PLA2G5: variants seen among roughly 807,000 people sequenced by gnomAD.
The protein encoded by PLA2G5 is Ca2+-dependent phospholipase A2.
A neutral mutation model predicts 15.9 loss-of-function variants in PLA2G5; 12 were observed. The observed-to-expected ratio is 0.76, with a 90% CI of 0.48 to 1.23. PLA2G5 has a LOEUF of 1.23. Among genes scored for constraint, PLA2G5 ranks in the 50% most tolerant of loss-of-function variants. PLA2G5 has a pLI of 0.00. For missense variants in PLA2G5, 169 were observed against 177.1 expected (o/e 0.95, Z 0.26); for synonymous variants, 71 against 71.4 (o/e 0.99, Z 0.03).
chr1:20,082,310 G>A (rs2016071305), intron 1 of PLA2G5, among the ~76,000 whole-genome samples: 1 of 151,754 alleles, frequency 6.6e-6, no homozygotes, highest in Admixed American at 6.5e-5. Context: ...CTGTCCGCAC[G>A]CTCAGTGACC....
chr1:20,030,882 T>A (rs915434519), intron 1 of PLA2G5, among the ~76,000 whole-genome samples: 1 of 152,180 alleles, frequency 6.6e-6, no homozygotes, highest in Non-Finnish European at 1.5e-5. Context: ...GAGCACAGGG[T>A]TGGGGCTAAA....
intron 1 of PLA2G5, among the ~76,000 whole-genome samples, chr1:20,034,614 G>GC (rs1240550593): frequency 1.3e-5 from 2 of 152,154 alleles, no homozygotes; most frequent in Non-Finnish European, 2.9e-5. Flanking sequence ...TAGGTTTGAG[G>GC]CCCCTGAGGC....
intron 1 of PLA2G5, among the ~76,000 whole-genome samples, chr1:20,082,201 G>T (rs2016066981): frequency 6.6e-6 from 1 of 151,836 alleles, no homozygotes; most frequent in South Asian, 2.1e-4. Context: ...GAGATTCAGG[G>T]GTTCTGTTTG....
chr1:20,060,892 T>G (rs545581057), intron 2 of PLA2G5, among the ~76,000 whole-genome samples: 57 of 152,210 alleles, frequency 3.7e-4, no homozygotes, highest in African/African-American at 1.3e-3. Context: ...TAATTTTGTA[T>G]TTTTGGTAGA....
chr1:20,064,656 G>A (rs2014925883), intron 2 of PLA2G5, among the ~76,000 whole-genome samples: 1 of 152,136 alleles, frequency 6.6e-6, no homozygotes, highest in Non-Finnish European at 1.5e-5. Flanking sequence ...CACTTTGGGA[G>A]GCCAAGGTGG....
At chr1:20,067,013 T>C (rs1162620004), upstream of PLA2G5, among the ~76,000 whole-genome samples, 1 of 143,582 alleles carries the variant, frequency 7.0e-6, no homozygotes, top group Non-Finnish European at 1.5e-5. Flanking sequence ...CTTTTTTTTC[T>C]GAGACAGGGT....
At chr1:20,039,435 A>G (rs1030918646) in intron 1 of PLA2G5, among the ~76,000 whole-genome samples, 2 of 152,218 alleles carry the variant, frequency 1.3e-5, no homozygotes, top group Non-Finnish European at 2.9e-5. Context: ...CAAGGATTAA[A>G]TAGACAGGAA....
chr1:20,063,522 T>C (rs2014848261), intron 2 of PLA2G5: 1 of 152,154 alleles, frequency 6.6e-6, no homozygotes, highest in Non-Finnish European at 1.5e-5. Context: ...TTCCTTGGCT[T>C]TAAGATGTGA....
intron 4 of PLA2G5, 25 bp downstream of exon 4, chr1:20,089,920 G>A (rs1454411167): frequency 6.5e-7 from 1 of 1,539,004 alleles, no homozygotes; most frequent in Non-Finnish European, 8.9e-7. Flanking sequence ...TCCCGTTCGG[G>A]CCATTGGAAG....
intron 1 of PLA2G5, among the ~76,000 whole-genome samples, chr1:20,036,408 A>T (rs994560812): frequency 6.6e-6 from 1 of 152,054 alleles, no homozygotes; most frequent in South Asian, 2.1e-4. Context: ...CATAATTTCA[A>T]ACTTTTTGGA....
intron 1 of PLA2G5, among the ~76,000 whole-genome samples, chr1:20,029,240 C>G (rs926475461): frequency 2.0e-5 from 3 of 152,120 alleles, no homozygotes; most frequent in Non-Finnish European, 4.4e-5. Context: ...CCTCTGACTG[C>G]CCCCACCAAA....
Position 20,091,662 on chromosome 1 carries a change from T to C in PLA2G5, c.*970T>C, listed in dbSNP as rs2016561779. On this transcript the variant is annotated 3_prime_UTR_variant, in exon 5 of 5. Transcript: ENST00000375108. ...ATAGGTGTCAGCTGTGGGGTTTATT[T>C]TTTACAAAGTAAGGACATTAAAAAA... Among the ~76,000 whole-genome samples the C allele has an allele frequency of 6.6e-6, 1 of 152,098 alleles. No individual in the cohort carries two copies. Among genetic ancestry groups the C allele is most frequent in the Non-Finnish European group, 1.5e-5 (1 of 68,034 alleles).
chr1:20,053,574 G>GGGT (rs1553172798), intron 1 of PLA2G5, among the ~76,000 whole-genome samples: 2 of 143,230 alleles, frequency 1.4e-5, no homozygotes, highest in Non-Finnish European at 3.0e-5. Flanking sequence ...ACTTTGCGGG[G>GGGT]GGGGGGGTGA....
chr1:20,086,163 T>C lies in PLA2G5; in HGVS notation c.121T>C (p.Tyr41His). 1 of 1,614,116 alleles carries C rather than the reference T, an allele frequency of 6.2e-7. No homozygotes were observed. Among genetic ancestry groups the C allele is most frequent in the Non-Finnish European group, 8.5e-7 (1 of 1,179,996 alleles). ...GACAGGGAAGAACGCCCTGACAAACTACGGCTTCTACGGCTGTTACTGCGG... is the reference window on the plus strand; with the variant it reads ...GACAGGGAAGAACGCCCTGACAAACCACGGCTTCTACGGCTGTTACTGCGG... ...KVTGKNALTN[Y>H]GFYGCYCGWG... The change falls in exon 3 of 5, where the codon TAC (tyrosine) becomes CAC (histidine). Residue 41 changes from tyrosine (Y) to histidine (H), a missense_variant. Coordinates refer to ENST00000375108, the MANE Select transcript of PLA2G5 (RefSeq NM_000929.3).
Position 20,037,019 on chromosome 1 carries a change from G to A in PLA2G5, n.276+8310G>A, listed in dbSNP as rs528735410. Among the ~76,000 whole-genome samples the A allele has an allele frequency of 1.4e-4, 22 of 152,290 alleles. No individual in the cohort carries two copies. The South Asian group carries it at 4.4e-3, about 30-fold the overall frequency. ...CCTTTCTCTGGTGCCTCCTTGAGTA[G>A]CTGAATAATTGACCTTCTGAATTCT... On this transcript the variant is annotated intron_variant and non_coding_transcript_variant, in intron 1 of 6. Transcript: ENST00000460175.
intron 1 of PLA2G5, among the ~76,000 whole-genome samples, chr1:20,039,378 C>G (rs149020487): frequency 6.6e-6 from 1 of 152,060 alleles, no homozygotes; most frequent in Admixed American, 6.6e-5. Flanking sequence ...TTCAAGCTTC[C>G]AAAAGCAATG....
intron 2 of PLA2G5, among the ~76,000 whole-genome samples, chr1:20,085,863 C>T (rs1190869171): frequency 6.6e-6 from 1 of 152,174 alleles, no homozygotes; most frequent in East Asian, 1.9e-4. Flanking sequence ...AGTGGCAGAG[C>T]CAGGATTTGA....
intron 1 of PLA2G5, among the ~76,000 whole-genome samples, chr1:20,053,652 T>C (rs617363): frequency 0.49 from 74,508 of 151,032 alleles, 19,605 homozygotes; most frequent in African/African-American, 0.67. Flanking sequence ...AAGAGTGTTG[T>C]TTCTCACTTG....
chr1:20,039,920 T>C (rs1424863007), intron 1 of PLA2G5, among the ~76,000 whole-genome samples: 1 of 152,178 alleles, frequency 6.6e-6, no homozygotes, highest in Admixed American at 6.5e-5. Flanking sequence ...TAAAATAAAA[T>C]TTATAAACTA....
Sources: allele counts gnomAD v4.1 joint callset (sites outside exome capture counted in the v4.1 genomes callset), GRCh38; gene constraint gnomAD v4.1.1; transcripts MANE v1.5; gene names NCBI Gene and HGNC (gene_info 2026-07-23, HGNC 2026-07-21).